Variants in TONSL observed in about 807,000 individuals in gnomAD.
TONSL encodes tonsoku like, DNA repair protein, also known as tonsoku-like protein.
In TONSL, 112 loss-of-function variants were observed where a neutral mutation model predicts 147.1. The ratio of observed to expected loss-of-function variants is 0.76; its 90% CI spans 0.65 to 0.89. TONSL has a LOEUF of 0.89. Ranked by LOEUF, TONSL falls within the 40% of genes least tolerant of loss-of-function variation. The probability of loss-of-function intolerance (pLI) is 0.00; values close to 1 mark genes in which losing one functional copy is unlikely to be tolerated. For synonymous variants in TONSL, 868 were observed against 801.5 expected (o/e 1.08, Z -1.40); for missense variants, 1,883 against 1,864.6 (o/e 1.01, Z -0.18).
chr8:144,430,703 C>T (rs1823151588), intron 24 of TONSL, among the ~76,000 whole-genome samples, 166 bp from the exon 25 acceptor site: 1 of 152,216 alleles, frequency 6.6e-6, no homozygotes, highest in South Asian at 2.1e-4. Flanking sequence ...GTTGGGGGTC[C>T]TTCCCAGGGG....
In TONSL at chr8:144,432,339, T is replaced by C. The variant is rs782039742; in HGVS notation, c.3681A>G (p.Ala1227=). 6 of 1,613,518 alleles carry C rather than the reference T, an allele frequency of 3.7e-6. No individual in the cohort carries two copies. Among genetic ancestry groups the C allele is most frequent in the Non-Finnish European group, 2.5e-6 (3 of 1,179,918 alleles). Residue 1227 remains alanine, a synonymous_variant, in exon 23 of 26, where the codon GCA becomes GCG. Transcript: ENST00000409379. ...TLLHLELSSV[A]AGKGDSDLME... ...TGAGGTCCGAATCACCCTTGCCGGC[T>C]GCCACGGAGCTGAGCTCTAAGTGCA...
chr8:144,439,182 C>A (rs1823603557), intron 11 of TONSL, among the ~76,000 whole-genome samples: 1 of 152,148 alleles, frequency 6.6e-6, no homozygotes, highest in Non-Finnish European at 1.5e-5. Context: ...CTGCACCTTG[C>A]AGCCTCCACC....
intron 11 of TONSL, among the ~76,000 whole-genome samples, chr8:144,439,076 C>T (rs528184872): frequency 7.9e-5 from 12 of 152,252 alleles, no homozygotes; most frequent in African/African-American, 2.6e-4. Flanking sequence ...ACGCCCAGAC[C>T]GGCTCGTGGG....
intron 24 of TONSL, 43 bp downstream of exon 24, chr8:144,431,035 G>C: frequency 6.2e-7 from 1 of 1,608,478 alleles, no homozygotes. Context: ...AGAGCCATGA[G>C]ATCAGACCCC....
rs1443513113 is a variant in TONSL at position 144,440,464 on chromosome 8, A to G, written c.1177T>C (p.Trp393Arg). The G allele has an allele frequency of 6.2e-7, 1 of 1,600,664 alleles. No individual in the cohort carries two copies. The highest frequency in any genetic ancestry group is 1.7e-5 in the Admixed American group (1 of 59,218). ...SGNVLEEAKT[W>R]LNIALSREEA... ...TCGCGGGACAGTGCAATGTTCAGCCAGGTCTTGGCCTCCTGGAGCAGGAGG... is the reference window on the plus strand; with the variant it reads ...TCGCGGGACAGTGCAATGTTCAGCCGGGTCTTGGCCTCCTGGAGCAGGAGG... Residue 393 changes from tryptophan to arginine, a missense_variant, in exon 10 of 26, where the codon TGG (tryptophan) becomes CGG (arginine). By Grantham distance (101) the Trp-to-Arg change is moderately radical. Coordinates refer to ENST00000409379, the MANE Select transcript of TONSL (RefSeq NM_013432.5).
In TONSL at chr8:144,431,087, T is replaced by G. The variant is rs1554878557; in HGVS notation, c.3800A>C (p.Asp1267Ala). The change falls in exon 24 of 26, where the codon GAC becomes GCC. Residue 1267 changes from aspartate (D) to alanine (A), a missense_variant. Physicochemically the swap from Asp to Ala is moderately radical, Grantham distance 126 (BLOSUM62 -2). Transcript: ENST00000409379. ...ANHLGDKAVR[D>A]LCRCLSLCPS... ...AGGGAAAGGGCGTTACCTGCACAGG[T>G]CTCTAACAGCCTTGTCCCCCAGGTG... The G allele has an allele frequency of 5.6e-6, 9 of 1,614,022 alleles. No individual in the cohort carries two copies. Among genetic ancestry groups the G allele is most frequent in the South Asian group, 1.1e-5 (1 of 91,072 alleles).
chr8:144,431,163 C>G lies in TONSL; in HGVS notation c.3736-12G>C. ...AGAGCACAGCCTTCCTGGACATGAG[C>G]AGAGGCCCAAGGGGGCCAAACGGAG... On this transcript the variant is annotated splice_polypyrimidine_tract_variant and intron_variant, in intron 23 of 25. Transcript: ENST00000409379. 1 of 1,613,900 alleles carries G rather than the reference C, an allele frequency of 6.2e-7. No homozygotes were observed. The highest frequency in any genetic ancestry group is 8.5e-7 in the Non-Finnish European group (1 of 1,179,910).
Position 144,434,901 on chromosome 8 carries a change from C to T in TONSL, c.3007-12G>A, listed in dbSNP as rs370799362. 3.2e-5 allele frequency: 52 copies of T among 1,613,022 alleles called. No individual in the cohort carries two copies. The African/African-American group carries it at 3.3e-4, about 10-fold the overall frequency. On this transcript the variant is annotated splice_polypyrimidine_tract_variant and intron_variant, in intron 19 of 25. Coordinates refer to ENST00000409379, the MANE Select transcript of TONSL (RefSeq NM_013432.5). Reference sequence around the variant, plus strand: ...ACCTCAGCCAACACCTGGAAGGCACCGTCATGAGCCACCTGGGGGCTCCCC... The same window carrying T: ...ACCTCAGCCAACACCTGGAAGGCACTGTCATGAGCCACCTGGGGGCTCCCC...
At position 144,436,579 on chromosome 8, in the gene TONSL, G is replaced by A; in HGVS notation, c.1993C>T (p.Gln665Ter). The change falls in exon 16 of 26, where the codon CAG (glutamine) becomes TAG (stop). Residue 665 changes from glutamine (Q) to a stop codon, truncating the protein, a stop_gained. Coordinates refer to ENST00000409379, the MANE Select transcript of TONSL (RefSeq NM_013432.5). LOFTEE classifies it high-confidence loss of function. ...TTGCCTTGGCCCGAGGCAGCCGCCTGGAGCAGCATCTCCATGGCCCTGGCC... is the reference window on the plus strand; with the variant it reads ...TTGCCTTGGCCCGAGGCAGCCGCCTAGAGCAGCATCTCCATGGCCCTGGCC... ...QKARAMEMLLQAAASGQDPHS... is the reference protein window; with the variant it reads ...QKARAMEMLL 1 of 1,611,122 alleles carries A rather than the reference G, an allele frequency of 6.2e-7. No individual in the cohort carries two copies. The highest frequency in any genetic ancestry group is 8.5e-7 in the Non-Finnish European group (1 of 1,179,922).
chr8:144,435,939 C>G lies in TONSL; in HGVS notation c.2494G>C (p.Ala832Pro). Residue 832 changes from alanine (A) to proline (P), a missense_variant, in exon 17 of 26, where the codon GCC becomes CCC. By Grantham distance (27) the Ala-to-Pro change is conservative. Coordinates refer to ENST00000409379, the MANE Select transcript of TONSL (RefSeq NM_013432.5). ...AALIPEEECL[A>P]GDWLELDMPL... is the part of the protein sequence containing the mutation. ...ATGTCCAGCTCCAGCCAGTCCCCGG[C>G]CAGGCACTCCTCCTCCGGGATGAGC... 6.4e-7 allele frequency: 1 copy of G among 1,565,478 alleles called. No individual in the cohort carries two copies. Among genetic ancestry groups the G allele is most frequent in the East Asian group, 2.3e-5 (1 of 44,182 alleles).
intron 20 of TONSL, 73 bp from the exon 21 acceptor site, chr8:144,434,352 G>C: frequency 7.5e-7 from 1 of 1,337,596 alleles, no homozygotes; most frequent in Non-Finnish European, 9.9e-7. Context: ...GGGCAAACCA[G>C]GCAGCCCCTT....
Position 144,442,115 on chromosome 8 carries a change from G to T in TONSL, c.787C>A (p.Arg263=), listed in dbSNP as rs372806119. Reference sequence around the variant, plus strand: ...AGCCTGTAGGCCTTCTTCAGGGCTCGCTTGGCAGCCAAAAAGTCTCCCAGG... The same window carrying T: ...AGCCTGTAGGCCTTCTTCAGGGCTCTCTTGGCAGCCAAAAAGTCTCCCAGG... The part of the protein sequence containing the change: ...QDLGDFLAAK[R]ALKKAYRLGS... Residue 263 remains arginine (R), a synonymous_variant, in exon 7 of 26, where the codon CGA becomes AGA. Coordinates refer to ENST00000409379, the MANE Select transcript of TONSL (RefSeq NM_013432.5). The T allele has an allele frequency of 1.7e-5, 28 of 1,612,626 alleles. No individual in the cohort carries two copies. The Middle Eastern group carries it at 5.0e-4, about 29-fold the overall frequency.
chr8:144,440,595 G>A, intron 9 of TONSL, 119 bp from the exon 10 acceptor site: 1 of 1,522,980 alleles, frequency 6.6e-7, no homozygotes, highest in Non-Finnish European at 8.8e-7. Context: ...TGCCGAGGGT[G>A]GATGGTCCTA....
intron 13 of TONSL, among the ~76,000 whole-genome samples, chr8:144,437,377 C>A (rs201574655): frequency 1.3e-5 from 2 of 152,206 alleles, no homozygotes; most frequent in Non-Finnish European, 2.9e-5. Flanking sequence ...ATGAGGCAGG[C>A]GGGGCGGGAA....
At chr8:144,433,327 T>C (rs1356611493) in intron 22 of TONSL, 8 of 375,022 alleles carry the variant, frequency 2.1e-5, no homozygotes, top group East Asian at 1.1e-4. Context: ...CTGCCCGCCT[T>C]GGCCTCCCAA....
rs1339719496 is a variant in TONSL at position 144,429,200 on chromosome 8, C to T, written c.4080G>A (p.Pro1360=). The part of the protein sequence containing the change: ...DALRQLQPSR[P]GPGECTLDHG... Reference sequence around the variant, plus strand: ...GGTCCAGCGTGCACTCGCCGGGGCCCGGCCGACTGGGCTGCAGCTGGCGCA... The same window carrying T: ...GGTCCAGCGTGCACTCGCCGGGGCCTGGCCGACTGGGCTGCAGCTGGCGCA... Residue 1360 remains proline (P), a synonymous_variant, in exon 26 of 26, where the codon CCG becomes CCA. Transcript: ENST00000409379. 127 of 1,534,718 alleles carry T rather than the reference C, an allele frequency of 8.3e-5. No individual in the cohort carries two copies. Among genetic ancestry groups the T allele is most frequent in the Non-Finnish European group, 1.1e-4 (125 of 1,144,890 alleles).
intron 22 of TONSL, 132 bp downstream of exon 22, chr8:144,433,456 G>A (rs1823303425): frequency 5.8e-6 from 5 of 860,978 alleles, no homozygotes; most frequent in Non-Finnish European, 7.2e-6. Flanking sequence ...CGATACTCCC[G>A]CCTCAGCCTC....
intron 3 of TONSL, 139 bp from the exon 4 acceptor site, chr8:144,443,460 A>G: frequency 1.3e-6 from 1 of 785,948 alleles, no homozygotes; most frequent in Non-Finnish European, 2.0e-6. Flanking sequence ...AAGGCCAGAC[A>G]CGTGCCCCTC....
chr8:144,438,037 A>C (rs915591606), intron 13 of TONSL, among the ~76,000 whole-genome samples: 1 of 152,056 alleles, frequency 6.6e-6, no homozygotes, highest in Non-Finnish European at 1.5e-5. Context: ...AAAGCAGCTG[A>C]GACTACAGGC....
Sources: allele counts gnomAD v4.1 joint callset (sites outside exome capture counted in the v4.1 genomes callset), GRCh38; gene constraint gnomAD v4.1.1; transcripts MANE v1.5; gene names NCBI Gene and HGNC (gene_info 2026-07-23, HGNC 2026-07-21).